Variants in LRRC27 observed in about 807,000 individuals in gnomAD.
LRRC27 encodes leucine rich repeat containing 27, also known as leucine-rich repeat-containing protein 27.
In LRRC27, 57 loss-of-function variants were observed where a neutral mutation model predicts 55.0. That is an observed-to-expected ratio of 1.04 (90% CI 0.84 to 1.29). The LOEUF is 1.29. LRRC27 is among the 50% of genes most tolerant of loss of function. The probability of loss-of-function intolerance (pLI) is 0.00; values close to 1 mark genes in which losing one functional copy is unlikely to be tolerated. For missense variants in LRRC27, 721 were observed against 651.5 expected, an observed-to-expected ratio of 1.11 and a Z score of -1.16; for synonymous variants, 278 against 251.9, an observed-to-expected ratio of 1.10 and a Z score of -0.98.
chr10:132,345,179 G>A (rs2067618694), intron 5 of LRRC27, among the ~76,000 whole-genome samples: 1 of 152,170 alleles, frequency 6.6e-6, no homozygotes, highest in African/African-American at 2.4e-5. Context: ...AGTACGCATT[G>A]TAGTTACACT....
chr10:132,340,922 G>T (rs2067383419), intron 3 of LRRC27, among the ~76,000 whole-genome samples: 1 of 147,500 alleles, frequency 6.8e-6, no homozygotes, highest in Non-Finnish European at 1.5e-5. Flanking sequence ...GAAAATCCAA[G>T]AAAGTAAGTA....
chr10:132,364,375 A>ACACTTACATCTACCTCCACG lies in LRRC27; in HGVS notation c.1290-1048_1290-1047insACTTACATCTACCTCCACGC, dbSNP rs1564852920. On this transcript the variant is annotated intron_variant, in intron 9 of 10. Transcript: ENST00000368614. The stretch of plus-strand genomic sequence containing the variant: ...TACCTCCACACCCGCGCTTACACCC[A>ACACTTACATCTACCTCCACG]CCCACACTTACACCCACCCTTACAT... Among the ~76,000 whole-genome samples the ACACTTACATCTACCTCCACG allele has an allele frequency of 1.2e-4, 11 of 95,486 alleles. 2 individuals carry two copies. The highest frequency in any genetic ancestry group is 5.6e-4 in the African/African-American group (11 of 19,568). The allele number at this position is 95,486 out of a possible 152,430, so 62.6% of individuals were successfully genotyped here.
intron 5 of LRRC27, among the ~76,000 whole-genome samples, chr10:132,345,446 G>A (rs1273957073): frequency 6.6e-6 from 1 of 152,206 alleles, no homozygotes; most frequent in Non-Finnish European, 1.5e-5. Context: ...TTTGGAAATT[G>A]TTTTAAATGA....
At position 132,337,230 on chromosome 10, in the gene LRRC27, C is replaced by T. The variant is rs572176516; in HGVS notation, c.211-335C>T. The stretch of plus-strand genomic sequence containing the variant: ...GGTGCTGCGGCAGGCACTGGAGAAA[C>T]GGCCGAGACACTGAGTGTGGGGCCC... On this transcript the variant is annotated intron_variant, in intron 2 of 10. Coordinates refer to ENST00000368614, the MANE Select transcript of LRRC27 (RefSeq NM_030626.3). 90 of 1,174,414 alleles carry T rather than the reference C, an allele frequency of 7.7e-5. 1 individual carries two copies. In the African/African-American group the frequency reaches 1.3e-3, roughly 17 times the overall value. 72.7% of individuals were successfully genotyped at this position (1,174,414 alleles called of 1,614,324 possible).
chr10:132,359,910 C>G (rs2497648), intron 8 of LRRC27, among the ~76,000 whole-genome samples: 23,176 of 152,216 alleles, frequency 0.15, 2,189 homozygotes, highest in Non-Finnish European at 0.23. Flanking sequence ...TTGTAGACTT[C>G]GCCGGTGTGT....
chr10:132,340,408 G>A (rs1028207931), intron 3 of LRRC27, among the ~76,000 whole-genome samples: 12 of 152,156 alleles, frequency 7.9e-5, no homozygotes, highest in Non-Finnish European at 1.2e-4. Flanking sequence ...CCAGCAGCAC[G>A]TGAGTGGGCC....
chr10:132,364,596 G>T lies in LRRC27; in HGVS notation c.1290-828G>T, dbSNP rs1259402057. 4.4e-4 allele frequency among the ~76,000 whole-genome samples: 7 copies of T among 15,986 alleles called. 3 individuals carry two copies. Among genetic ancestry groups the T allele is most frequent in the Non-Finnish European group, 8.6e-4 (7 of 8,156 alleles). The allele number at this position is 15,986 out of a possible 152,430, so 10.5% of individuals were successfully genotyped here. A position where few individuals can be genotyped will look rare whatever the true frequency, so the allele number is the denominator to read the frequency against. On this transcript the variant is annotated intron_variant, in intron 9 of 10. Coordinates refer to ENST00000368614, the MANE Select transcript of LRRC27 (RefSeq NM_030626.3). ...CCACACCCTGGGGCCCCACACTCAG[G>T]CAGTCCGCGTCCACGCTTACATCTA...
chr10:132,361,659 T>C, intron 9 of LRRC27, 84 bp downstream of exon 9: 3 of 980,434 alleles, frequency 3.1e-6, no homozygotes, highest in African/African-American at 1.6e-5. Context: ...TTCATGAGCA[T>C]GCACTGAGGA....
chr10:132,352,298 CAGGCGCAGGTGCAGCGCTCCG>C (rs1237250228), intron 7 of LRRC27, among the ~76,000 whole-genome samples: 21 of 41,878 alleles, frequency 5.0e-4, no homozygotes, highest in South Asian at 7.5e-4. Flanking sequence ...CCGGGTGGGG[CAGGCGCAGGTGCAGCGCTCCG>C]TGTGGGGCAG....
intron 9 of LRRC27, among the ~76,000 whole-genome samples, chr10:132,364,497 C>A (rs113798923): frequency 0.025 from 394 of 16,042 alleles, 22 homozygotes; most frequent in East Asian, 0.036. Flanking sequence ...TTACACCCAC[C>A]CTTACATCTA....
chr10:132,346,052 T>G (rs925987284), intron 5 of LRRC27, among the ~76,000 whole-genome samples: 1 of 152,080 alleles, frequency 6.6e-6, no homozygotes, highest in African/African-American at 2.4e-5. Context: ...TGTGAGCATC[T>G]CCATCTGAGG....
chr10:132,335,280 C>CT (rs1396881028), intron 2 of LRRC27: 2 of 152,460 alleles, frequency 1.3e-5, no homozygotes, highest in Admixed American at 6.5e-5. Context: ...AGGCTGAGTA[C>CT]TATGGGGGTT....
chr10:132,340,365 A>G (rs1480571943), intron 3 of LRRC27, among the ~76,000 whole-genome samples: 1 of 152,116 alleles, frequency 6.6e-6, no homozygotes, highest in Non-Finnish European at 1.5e-5. Flanking sequence ...ACCCCCCGCA[A>G]TCCCTCTCAG....
intron 1 of LRRC27, among the ~76,000 whole-genome samples, 161 bp from the exon 2 acceptor site, chr10:132,333,314 CTT>C (rs10690076): frequency 1.2e-3 from 176 of 149,128 alleles, no homozygotes; most frequent in Admixed American, 2.1e-3. Flanking sequence ...CTTTGTATTC[CTT>C]TTTTTTTTTT....
intron 7 of LRRC27, 62 bp downstream of exon 7, chr10:132,351,815 G>C: frequency 1.3e-6 from 2 of 1,531,750 alleles, no homozygotes; most frequent in Non-Finnish European, 1.8e-6. Flanking sequence ...CTGGGACTGG[G>C]CTGTGATTTT....
At position 132,348,812 on chromosome 10, in the gene LRRC27, G is replaced by A; in HGVS notation, c.926+456G>A. On this transcript the variant is annotated intron_variant, in intron 6 of 10. Transcript: ENST00000368614. The surrounding 1 kb of genome is among the most constrained non-coding windows in gnomAD (Gnocchi z 4.2). The stretch of plus-strand genomic sequence containing the variant: ...ACATTTTACCTGTGAAAAGAGAGGA[G>A]TTGGGGGAAAGGTCAGTTATGCAGA... The A allele has an allele frequency of 1.6e-6, 1 of 614,974 alleles. No homozygotes were observed. 38.1% of individuals were successfully genotyped at this position (614,974 alleles called of 1,614,324 possible).
At chr10:132,339,657 T>G (rs771993315) in intron 3 of LRRC27, among the ~76,000 whole-genome samples, 1 of 152,064 alleles carries the variant, frequency 6.6e-6, no homozygotes, top group Non-Finnish European at 1.5e-5. Context: ...AGGCTGAGAG[T>G]GCTTTGGGAA....
chr10:132,364,482 CA>C (rs2068875788), intron 9 of LRRC27, among the ~76,000 whole-genome samples: 4 of 147,408 alleles, frequency 2.7e-5, no homozygotes, highest in South Asian at 2.2e-4. Flanking sequence ...TACACCCACC[CA>C]CACTTACACC....
chr10:132,337,120 T>C (rs967125236), intron 2 of LRRC27: 4 of 1,214,874 alleles, frequency 3.3e-6, no homozygotes, highest in Admixed American at 4.5e-5. Context: ...ATTTTAATGA[T>C]TGAGTTGGGC....
Sources: gnomAD v4.1 joint callset for allele counts (sites outside exome capture counted in the v4.1 genomes callset) on GRCh38, gnomAD v4.1.1 for gene constraint, Gnocchi (gnomAD v3.1) non-coding constraint, MANE v1.5 for transcripts, NCBI Gene and HGNC (gene_info 2026-07-23, HGNC 2026-07-21) for gene names.